CNOT4: variants seen among roughly 807,000 people sequenced by gnomAD.
CNOT4 encodes CCR4-NOT transcription complex subunit 4, also known as CCR4-associated factor 4.
CNOT4 carries 8 observed loss-of-function variants against 73.8 expected under a neutral mutation model. That is an observed-to-expected ratio of 0.11 (90% CI 0.06 to 0.20). CNOT4 has a LOEUF of 0.20. CNOT4 is among the 10% of genes least tolerant of loss of function. The pLI is 1.00. For missense variants in CNOT4, 564 were observed against 883.4 expected, an observed-to-expected ratio of 0.64 and a Z score of 4.58; for synonymous variants, 293 against 321.1, an observed-to-expected ratio of 0.91 and a Z score of 0.94.
chr7:135,403,874 G>A (rs1490185463), intron 7 of CNOT4, among the ~76,000 whole-genome samples: 1 of 152,094 alleles, frequency 6.6e-6, no homozygotes, highest in Non-Finnish European at 1.5e-5. Context: ...CATAAATTCT[G>A]TATTTCAGTA....
Position 135,395,679 on chromosome 7 carries a change from T to C in CNOT4, c.1084A>G (p.Ser362Gly). ...GGTTCTGGTGCTGTAGGCCAGTCAC[T>C]GGATGTCTGTGGGGAGCTGGGGAAA... ...PPFPSSPQTS[S>G]DWPTAPEPQS... is the part of the protein sequence containing the mutation. The change falls in exon 9 of 12, where the codon AGT (serine) becomes GGT (glycine). Residue 362 changes from serine (S) to glycine (G), a missense_variant. Physicochemically the swap from Ser to Gly is moderately conservative, Grantham distance 56 (BLOSUM62 0). Around this residue, in one of 10 missense-constraint regions of CNOT4, gnomAD observed 135 missense variants for 154.0 expected, o/e 0.88. Transcript: ENST00000541284. 2 of 1,614,098 alleles carry C rather than the reference T, an allele frequency of 1.2e-6. No individual in the cohort carries two copies. Among genetic ancestry groups the C allele is most frequent in the Non-Finnish European group, 1.7e-6 (2 of 1,180,000 alleles).
chr7:135,508,486 T>C (rs1467362395), intron 1 of CNOT4, among the ~76,000 whole-genome samples: 1 of 152,204 alleles, frequency 6.6e-6, no homozygotes, highest in Non-Finnish European at 1.5e-5. Context: ...ACGAGGAACT[T>C]AGGTTTATAT....
intron 1 of CNOT4, among the ~76,000 whole-genome samples, chr7:135,455,340 TCAAC>T (rs1800458694): frequency 6.6e-6 from 1 of 152,064 alleles, no homozygotes; most frequent in Non-Finnish European, 1.5e-5. Context: ...GCCAACCAAT[TCAAC>T]CAACTCAAAG....
intron 1 of CNOT4, among the ~76,000 whole-genome samples, chr7:135,495,796 A>G (rs998639781): frequency 6.0e-5 from 9 of 150,982 alleles, no homozygotes; most frequent in Non-Finnish European, 1.5e-5. Context: ...GGTGGGAGCA[A>G]TAGCTCATAT....
At chr7:135,413,293 CACAG>C (rs1251922690) in intron 6 of CNOT4, among the ~76,000 whole-genome samples, 191 bp downstream of exon 6, 1 of 151,882 alleles carries the variant, frequency 6.6e-6, no homozygotes, top group East Asian at 1.9e-4. Flanking sequence ...CTTAGTTGAC[CACAG>C]ACACATTTTT....
At chr7:135,390,908 T>C (rs1359461725) in intron 10 of CNOT4, among the ~76,000 whole-genome samples, 5 of 152,104 alleles carry the variant, frequency 3.3e-5, no homozygotes, top group Non-Finnish European at 7.4e-5. Flanking sequence ...AAGTATATCT[T>C]AAAGTAGCAG....
At chr7:135,387,867 C>T (rs1443884450) in intron 10 of CNOT4, 16 of 970,716 alleles carry the variant, frequency 1.6e-5, no homozygotes, top group Non-Finnish European at 1.8e-5. Context: ...CATCCAATCT[C>T]TTCTCTTCTG....
At position 135,370,328 on chromosome 7, in the gene CNOT4, T is replaced by C. The variant is rs748107351; in HGVS notation, c.1628-6262A>G. On this transcript the variant is annotated intron_variant, in intron 10 of 11. Transcript: ENST00000541284. Reference sequence around the variant, plus strand: ...CAATATTTGTTTATACTAGTAGAAATGACATAAACAGAAAAATCCAGACAC... The same window carrying C: ...CAATATTTGTTTATACTAGTAGAAACGACATAAACAGAAAAATCCAGACAC... 2.0e-5 allele frequency among the ~76,000 whole-genome samples: 3 copies of C among 152,202 alleles called. No homozygotes were observed. In the South Asian group the frequency reaches 6.2e-4, roughly 32 times the overall value.
chr7:135,393,894 C>T (rs201142434), intron 10 of CNOT4, 24 bp downstream of exon 10: 2 of 1,545,964 alleles, frequency 1.3e-6, no homozygotes, highest in African/African-American at 2.8e-5. Context: ...TTCAAAAATT[C>T]TCAAAGGTTT....
intron 7 of CNOT4, among the ~76,000 whole-genome samples, chr7:135,405,560 C>T (rs186019136): frequency 5.9e-5 from 9 of 152,334 alleles, no homozygotes; most frequent in African/African-American, 1.9e-4. Context: ...TTCCCACTCT[C>T]ATTACTTGTA....
intron 1 of CNOT4, among the ~76,000 whole-genome samples, chr7:135,441,118 G>T (rs141500702): frequency 4.6e-5 from 7 of 151,712 alleles, no homozygotes; most frequent in Non-Finnish European, 7.4e-5. Context: ...TATTTGTTTC[G>T]CTAAGAAAAT....
intron 5 of CNOT4, among the ~76,000 whole-genome samples, chr7:135,414,098 A>G (rs1010220882): frequency 9.9e-5 from 15 of 152,024 alleles, no homozygotes; most frequent in African/African-American, 2.9e-4. Flanking sequence ...TAAAAATGCG[A>G]TATTTTAAAA....
Position 135,362,846 on chromosome 7 carries a change from G to C in CNOT4, c.*39C>G. On this transcript the variant is annotated 3_prime_UTR_variant, in exon 12 of 12. Transcript: ENST00000541284. ...GGGCTGAGAGGGAGAAAACAGAGTG[G>C]GACAAATCCTGCATTTTCTAATGGT... The C allele has an allele frequency of 6.4e-7, 1 of 1,561,070 alleles. No individual in the cohort carries two copies. The highest frequency in any genetic ancestry group is 8.8e-7 in the Non-Finnish European group (1 of 1,131,712).
intron 10 of CNOT4, among the ~76,000 whole-genome samples, chr7:135,375,978 T>C (rs1795494860): frequency 6.6e-6 from 1 of 150,592 alleles, no homozygotes. Flanking sequence ...ACAGGGGGTG[T>C]TGGAAAAATA....
intron 10 of CNOT4, among the ~76,000 whole-genome samples, chr7:135,367,098 T>C (rs1207201195): frequency 6.6e-6 from 1 of 152,104 alleles, no homozygotes; most frequent in Admixed American, 6.6e-5. Context: ...ACCCACTAGA[T>C]GCTAGGGGTA....
chr7:135,402,299 G>A (rs112323152), intron 7 of CNOT4, among the ~76,000 whole-genome samples: 4,838 of 151,810 alleles, frequency 0.032, 281 homozygotes, highest in African/African-American at 0.11. Context: ...TAGTAGAGGT[G>A]GGGTTTCGCC....
At chr7:135,468,427 T>A (rs1028357663) in intron 1 of CNOT4, among the ~76,000 whole-genome samples, 1 of 152,052 alleles carries the variant, frequency 6.6e-6, no homozygotes, top group African/African-American at 2.4e-5. Context: ...ACACCTGTAG[T>A]CCGAACACTT....
chr7:135,436,500 C>T (rs1318022350), intron 2 of CNOT4, among the ~76,000 whole-genome samples: 1 of 120,940 alleles, frequency 8.3e-6, no homozygotes, highest in Non-Finnish European at 1.7e-5. Context: ...GAACCAATTT[C>T]TAAAATATAA....
intron 1 of CNOT4, among the ~76,000 whole-genome samples, chr7:135,439,999 CAG>C (rs1415485128): frequency 6.7e-6 from 1 of 149,070 alleles, no homozygotes; most frequent in Non-Finnish European, 1.5e-5. Flanking sequence ...AAAAAAAAAA[CAG>C]ATTTTTTTAA....
Sources: gnomAD v4.1 joint callset for allele counts (sites outside exome capture counted in the v4.1 genomes callset) on GRCh38, gnomAD v4.1.1 for gene constraint, gnomAD v4.1.1 regional missense constraint, MANE v1.5 for transcripts, NCBI Gene and HGNC (gene_info 2026-07-23, HGNC 2026-07-21) for gene names.